Variants in PGC observed in about 807,000 individuals in gnomAD.
The protein encoded by PGC is progastricsin, also known as gastricsin.
A neutral mutation model predicts 45.9 loss-of-function variants in PGC; 31 were observed. That is an observed-to-expected ratio of 0.67 (90% confidence interval 0.51 to 0.91). The LOEUF is 0.91. Ranked by LOEUF, PGC falls within the 40% of genes least tolerant of loss-of-function variation. The pLI is 0.00. For missense variants in PGC, 477 were observed against 493.2 expected (o/e 0.97, Z 0.31); for synonymous variants, 192 against 201.8 (o/e 0.95, Z 0.41).
Position 41,743,599 on chromosome 6 carries a change from A to T in PGC, c.329-210T>A, listed in dbSNP as rs375138763. ...CCCAAAGCCCCTTCTGACTTACAGAATCTTGGGATGCCTCAGGACTGTGGC... is the reference window on the plus strand; with the variant it reads ...CCCAAAGCCCCTTCTGACTTACAGATTCTTGGGATGCCTCAGGACTGTGGC... On this transcript the variant is annotated intron_variant, in intron 3 of 8. Coordinates refer to ENST00000373025, the MANE Select transcript of PGC (RefSeq NM_002630.4). Among the ~76,000 whole-genome samples the T allele has an allele frequency of 2.6e-5, 4 of 152,306 alleles. No homozygotes were observed. The South Asian group carries it at 8.3e-4, about 32-fold the overall frequency.
rs375942080 is a variant in PGC, at chr6:41,736,844, C to T, written c.*8G>A. On this transcript the variant is annotated 3_prime_UTR_variant, in exon 9 of 9. Transcript: ENST00000373025. ...GAAGAGGGGAGCCCACGTGTCGAGG[C>T]AGCAAGTCTAGGCGGCAGTGGCAAA... is the stretch of plus-strand genomic sequence containing the variant. 2 of 1,614,078 alleles carry T rather than the reference C, an allele frequency of 1.2e-6. No homozygotes were observed. Among genetic ancestry groups the T allele is most frequent in the Non-Finnish European group, 1.7e-6 (2 of 1,179,988 alleles).
At chr6:41,741,200 C>G (rs4711690) in intron 5 of PGC, 246,545 of 1,525,826 alleles carry the variant, frequency 0.16, 21,628 homozygotes, top group Admixed American at 0.28. Flanking sequence ...TCTCTGGTAG[C>G]TGGAGTGTGG....
chr6:41,736,872 C>G lies in PGC; in HGVS notation c.1147G>C (p.Gly383Arg). 6.2e-7 allele frequency: 1 copy of G among 1,614,150 alleles called. No homozygotes were observed. Among genetic ancestry groups the G allele is most frequent in the Non-Finnish European group, 8.5e-7 (1 of 1,180,026 alleles). ...SVYDLGNNRV[G>R]FATAA is the part of the protein sequence containing the mutation. ...CAAGTCTAGGCGGCAGTGGCAAAGC[C>G]TACTCTGTTGTTGCCCAAGTCGTAG... Residue 383 changes from glycine (G) to arginine (R), a missense_variant, in exon 9 of 9, where the codon GGC becomes CGC. By Grantham distance (125) the Gly-to-Arg change is moderately radical. Transcript: ENST00000373025.
At chr6:41,746,822 G>A (rs1229755129) in intron 1 of PGC, among the ~76,000 whole-genome samples, 3 of 152,204 alleles carry the variant, frequency 2.0e-5, no homozygotes, top group African/African-American at 7.2e-5. Context: ...GACCCCTCAG[G>A]TGTAGAGATT....
In PGC at chr6:41,741,033, C is replaced by A. The variant is rs967435507; in HGVS notation, c.648-423G>T. 6.5e-6 allele frequency: 10 copies of A among 1,536,858 alleles called. No homozygotes were observed. The African/African-American group carries it at 6.8e-5, about 11-fold the overall frequency. The stretch of plus-strand genomic sequence containing the variant: ...TCCCCTAGTGGTTGGGACCCCCAGC[C>A]CACACTCTGCTCTCCTCTCCCCTCC... On this transcript the variant is annotated intron_variant, in intron 5 of 8. Transcript: ENST00000373025.
intron 7 of PGC, among the ~76,000 whole-genome samples, chr6:41,738,757 G>A (rs1274183143): frequency 6.6e-6 from 1 of 152,060 alleles, no homozygotes; most frequent in Admixed American, 6.5e-5. Flanking sequence ...AGGAGTTCGA[G>A]ACCAGCCTGG....
At position 41,736,789 on chromosome 6, in the gene PGC, C is replaced by CAA; in HGVS notation, c.*61_*62dup. The CAA allele has an allele frequency of 1.3e-6, 2 of 1,538,334 alleles. No homozygotes were observed. Among genetic ancestry groups the CAA allele is most frequent in the Non-Finnish European group, 1.8e-6 (2 of 1,111,394 alleles). ...TGAATCCAGAGTGGAAAGACAGATA[C>CAA]AATGCCCTAGGAGGGTGCAGGGTCA... is the stretch of plus-strand genomic sequence containing the variant. On this transcript the variant is annotated 3_prime_UTR_variant, in exon 9 of 9. Coordinates refer to ENST00000373025, the MANE Select transcript of PGC (RefSeq NM_002630.4).
chr6:41,743,598 A>C (rs572327152), intron 3 of PGC, among the ~76,000 whole-genome samples: 5 of 152,160 alleles, frequency 3.3e-5, no homozygotes, highest in Non-Finnish European at 5.9e-5. Flanking sequence ...TGACTTACAG[A>C]ATCTTGGGAT....
rs529418768 is a variant in PGC at position 41,743,779 on chromosome 6, C to G, written c.329-390G>C. The stretch of plus-strand genomic sequence containing the variant: ...CATTCCCCCCAGCCCTCCAGGGCAT[C>G]CCCAAGTACTCCCCACCTTCACTCA... On this transcript the variant is annotated intron_variant, in intron 3 of 8. Coordinates refer to ENST00000373025, the MANE Select transcript of PGC (RefSeq NM_002630.4). 3.9e-5 allele frequency among the ~76,000 whole-genome samples: 6 copies of G among 152,294 alleles called. No homozygotes were observed. The South Asian group carries it at 1.2e-3, about 32-fold the overall frequency.
Position 41,743,266 on chromosome 6 carries a change from C to T in PGC, c.447+5G>A. 4 of 1,573,630 alleles carry T rather than the reference C, an allele frequency of 2.5e-6. No individual in the cohort carries two copies. Among genetic ancestry groups the T allele is most frequent in the Non-Finnish European group, 3.5e-6 (4 of 1,143,040 alleles). ...CCCCAGCCTCCACTCCCCATGCCCA[C>T]TCACAGTCAGGGTGTCATAGCCAAA... is the stretch of plus-strand genomic sequence containing the variant. On this transcript the variant is annotated splice_donor_5th_base_variant and intron_variant, in intron 4 of 8. Transcript: ENST00000373025.
At chr6:41,739,426 T>TC (rs1453093192) in intron 7 of PGC, among the ~76,000 whole-genome samples, 1 of 151,706 alleles carries the variant, frequency 6.6e-6, no homozygotes, top group African/African-American at 2.4e-5. Context: ...GTTAGGCTTT[T>TC]TTTTTTTTTT....
At position 41,744,339 on chromosome 6, in the gene PGC, A is replaced by G. The variant is rs1771886348; in HGVS notation, c.328+58T>C. ...TCCCTCTGGAAGTTTGGCCCTCCCC[A>G]GAGGGTATCAGTGCCTTGCCCTGCC... On this transcript the variant is annotated intron_variant, in intron 3 of 8. Transcript: ENST00000373025. The surrounding 1 kb of genome is among the most constrained non-coding windows in gnomAD (Gnocchi z 4.4). 1 of 1,266,954 alleles carries G rather than the reference A, an allele frequency of 7.9e-7. No homozygotes were observed. Among genetic ancestry groups the G allele is most frequent in the Non-Finnish European group, 1.1e-6 (1 of 885,326 alleles). The allele number at this position is 1,266,954 out of a possible 1,614,324, so 78.5% of individuals were successfully genotyped here. A position where few individuals can be genotyped will look rare whatever the true frequency, so the allele number is the denominator to read the frequency against.
At chr6:41,737,879 C>T (rs758757568) in intron 7 of PGC, 51 bp from the exon 8 acceptor site, 2 of 1,057,182 alleles carry the variant, frequency 1.9e-6, no homozygotes, top group African/African-American at 1.6e-5. Context: ...TGATAGCACC[C>T]ACCAGCCCCA....
chr6:41,736,760 A>C lies in PGC; in HGVS notation c.*92T>G. 1 of 1,286,518 alleles carries C rather than the reference A, an allele frequency of 7.8e-7. No individual in the cohort carries two copies. The highest frequency in any genetic ancestry group is 1.1e-6 in the Non-Finnish European group (1 of 882,340). The allele number at this position is 1,286,518 out of a possible 1,614,324, so 79.7% of individuals were successfully genotyped here. A position where few individuals can be genotyped will look rare whatever the true frequency, so the allele number is the denominator to read the frequency against. The stretch of plus-strand genomic sequence containing the variant: ...AGAAAGTCCAGAGTCCAGAAAAAGA[A>C]GGCTGAATCCAGAGTGGAAAGACAG... On this transcript the variant is annotated 3_prime_UTR_variant, in exon 9 of 9. Transcript: ENST00000373025.
At chr6:41,740,041 T>C in intron 6 of PGC, 95 bp from the exon 7 acceptor site, 1 of 1,133,960 alleles carries the variant, frequency 8.8e-7, no homozygotes, top group Non-Finnish European at 1.3e-6. Flanking sequence ...GAGCTACAGC[T>C]ACTTTCTTGA....
intron 3 of PGC, 35 bp from the exon 4 acceptor site, chr6:41,743,424 G>T: frequency 7.5e-7 from 1 of 1,338,898 alleles, no homozygotes; most frequent in Non-Finnish European, 1.1e-6. Flanking sequence ...AGTCAGGCCG[G>T]CTGGGGCAGG....
At chr6:41,741,691 C>G in intron 5 of PGC, 2 of 753,164 alleles carry the variant, frequency 2.7e-6, no homozygotes, top group South Asian at 3.1e-5. Flanking sequence ...CTGGTTAATT[C>G]TGAAGAAGAA....
At chr6:41,743,565 A>C (rs1771872543) in intron 3 of PGC, among the ~76,000 whole-genome samples, 176 bp from the exon 4 acceptor site, 1 of 152,192 alleles carries the variant, frequency 6.6e-6, no homozygotes. Context: ...GGAGCTGGCC[A>C]GCCTTGTCCC....
intron 5 of PGC, 190 bp from the exon 6 acceptor site, chr6:41,740,800 C>A: frequency 7.0e-7 from 1 of 1,425,342 alleles, no homozygotes; most frequent in South Asian, 1.5e-5. Flanking sequence ...ATTGGAGCTC[C>A]CTGAGGATGG....
Sources: allele counts gnomAD v4.1 joint callset (sites outside exome capture counted in the v4.1 genomes callset), GRCh38; gene constraint gnomAD v4.1.1; non-coding constraint Gnocchi (gnomAD v3.1); transcripts MANE v1.5; gene names NCBI Gene and HGNC (gene_info 2026-07-23, HGNC 2026-07-21).